TMEM178B: variants seen among roughly 807,000 people sequenced by gnomAD.
TMEM178B encodes the protein transmembrane protein 178B.
TMEM178B carries 5 observed loss-of-function variants against 31.0 expected under a neutral mutation model. That is an observed-to-expected ratio of 0.16 (90% CI 0.08 to 0.34). The LOEUF is 0.34. Ranked by LOEUF, TMEM178B falls within the 10% of genes least tolerant of loss-of-function variation. TMEM178B has a pLI of 1.00. For synonymous variants in TMEM178B, 164 were observed against 164.0 expected, an observed-to-expected ratio of 1.00 and a Z score of 0.00; for missense variants, 275 against 400.3, an observed-to-expected ratio of 0.69 and a Z score of 2.67.
At chr7:141,485,188 G>A (rs531658771), downstream of TMEM178B, among the ~76,000 whole-genome samples, 72 of 152,288 alleles carry the variant, frequency 4.7e-4, no homozygotes, top group African/African-American at 1.3e-3. Flanking sequence ...GAGAAAGCCC[G>A]GACCATGTGA....
intron 2 of TMEM178B, among the ~76,000 whole-genome samples, chr7:141,423,109 G>T (rs879608962): frequency 6.6e-6 from 1 of 152,032 alleles, no homozygotes; most frequent in African/African-American, 2.4e-5. Flanking sequence ...GCGTGATCTC[G>T]GCTCACTGTA....
intron 1 of TMEM178B, among the ~76,000 whole-genome samples, chr7:141,137,071 G>A (rs1291293796): frequency 6.6e-6 from 1 of 152,128 alleles, no homozygotes; most frequent in Admixed American, 6.6e-5. Context: ...ATGCTGGGTT[G>A]GGGGGATGTG....
At chr7:141,191,987 G>T (rs1796704167) in intron 1 of TMEM178B, among the ~76,000 whole-genome samples, 1 of 152,076 alleles carries the variant, frequency 6.6e-6, no homozygotes, top group South Asian at 2.1e-4. Flanking sequence ...GATCCATTGG[G>T]AATTTACCCT....
intron 2 of TMEM178B, among the ~76,000 whole-genome samples, chr7:141,386,009 G>A (rs754470162): frequency 2.6e-5 from 4 of 152,148 alleles, no homozygotes; most frequent in African/African-American, 7.2e-5. Context: ...TCTGTGAAGC[G>A]CTGGACTTGC....
At chr7:141,458,083 G>T (rs775902454) in intron 3 of TMEM178B, among the ~76,000 whole-genome samples, 5 of 152,126 alleles carry the variant, frequency 3.3e-5, no homozygotes, top group Non-Finnish European at 7.4e-5. Context: ...TAGATGGATG[G>T]TGACCTTTTC....
chr7:141,084,200 G>A (rs192988420), intron 1 of TMEM178B, among the ~76,000 whole-genome samples: 6 of 152,318 alleles, frequency 3.9e-5, no homozygotes, highest in South Asian at 4.1e-4. Flanking sequence ...TCCTGCCCTC[G>A]TAGGGCTTAC....
In TMEM178B at chr7:141,471,777, T is replaced by C. The variant is rs1802247243; in HGVS notation, c.*991T>C. ...CTACAGATCCCTGGAGTGGTGTGTG[T>C]GTGCGTGTGTGTGTGTGTGTGTGTG... is the stretch of plus-strand genomic sequence containing the variant. On this transcript the variant is annotated 3_prime_UTR_variant, in exon 4 of 4. Transcript: ENST00000565468. The surrounding 1 kb of genome is among the most constrained non-coding windows in gnomAD (Gnocchi z 4.1). The C allele has an allele frequency of 1.2e-5, 1 of 80,174 alleles. No homozygotes were observed. Among genetic ancestry groups the C allele is most frequent in the East Asian group, 2.5e-4 (1 of 3,934 alleles). 5.0% of individuals were successfully genotyped at this position (80,174 alleles called of 1,614,324 possible). A position where few individuals can be genotyped will look rare whatever the true frequency, so the allele number is the denominator to read the frequency against.
At chr7:141,444,589 G>A (rs1257118423) in intron 3 of TMEM178B, among the ~76,000 whole-genome samples, 2 of 152,162 alleles carry the variant, frequency 1.3e-5, no homozygotes, top group Non-Finnish European at 2.9e-5. Context: ...AATTCATGAA[G>A]AGCTTTCTGT....
intron 3 of TMEM178B, among the ~76,000 whole-genome samples, chr7:141,457,330 T>A (rs1039907903): frequency 6.6e-6 from 1 of 152,228 alleles, no homozygotes; most frequent in East Asian, 1.9e-4. Context: ...ATTTATTTGC[T>A]GTATATATCC....
At chr7:141,219,780 A>G (rs113405538) in intron 2 of TMEM178B, among the ~76,000 whole-genome samples, 2,920 of 152,292 alleles carry the variant, frequency 0.019, 102 homozygotes, top group African/African-American at 0.066. Context: ...TTCTTGCAGA[A>G]GTAACTCATG....
At chr7:141,374,126 A>T (rs1478501238) in intron 2 of TMEM178B, among the ~76,000 whole-genome samples, 1 of 152,122 alleles carries the variant, frequency 6.6e-6, no homozygotes, top group African/African-American at 2.4e-5. Flanking sequence ...CGTGTTTCTG[A>T]TGTGAAGTCC....
intron 2 of TMEM178B, among the ~76,000 whole-genome samples, chr7:141,281,748 C>T (rs892966057): frequency 2.6e-5 from 4 of 152,262 alleles, no homozygotes; most frequent in Admixed American, 1.3e-4. Context: ...GAGATACTTT[C>T]AGCAGAGGGA....
intron 2 of TMEM178B, among the ~76,000 whole-genome samples, chr7:141,294,814 A>C (rs1243649344): frequency 6.6e-6 from 1 of 152,212 alleles, no homozygotes; most frequent in East Asian, 1.9e-4. Flanking sequence ...TATAGAATAT[A>C]ATAGAGAATC....
At chr7:141,115,396 T>C (rs1795302936) in intron 1 of TMEM178B, among the ~76,000 whole-genome samples, 1 of 152,004 alleles carries the variant, frequency 6.6e-6, no homozygotes, top group Admixed American at 6.6e-5. Flanking sequence ...TCCAGTGTTA[T>C]GTAACAGTAG....
chr7:141,244,041 G>A (rs1395106184), intron 2 of TMEM178B, among the ~76,000 whole-genome samples: 1 of 152,180 alleles, frequency 6.6e-6, no homozygotes. Context: ...GTTTTGTGCA[G>A]TTCAGTCTTA....
chr7:141,392,034 G>T (rs550795660), intron 2 of TMEM178B, among the ~76,000 whole-genome samples: 10 of 151,534 alleles, frequency 6.6e-5, no homozygotes, highest in African/African-American at 2.4e-4. Flanking sequence ...ACTTTTGGGG[G>T]AATATACAGA....
chr7:141,449,919 G>A (rs1251968951), intron 3 of TMEM178B, among the ~76,000 whole-genome samples: 4 of 152,204 alleles, frequency 2.6e-5, no homozygotes, highest in Non-Finnish European at 4.4e-5. Context: ...GCATTACACT[G>A]GAGAGGATCT....
At chr7:141,434,670 A>G (rs1027399220) in intron 2 of TMEM178B, among the ~76,000 whole-genome samples, 2 of 152,230 alleles carry the variant, frequency 1.3e-5, no homozygotes, top group African/African-American at 4.8e-5. Context: ...GAAGTACACA[A>G]TACATTTTTG....
chr7:141,084,257 G>C (rs1371184269), intron 1 of TMEM178B, among the ~76,000 whole-genome samples: 1 of 152,192 alleles, frequency 6.6e-6, no homozygotes, highest in East Asian at 1.9e-4. Context: ...TTTCTGAACA[G>C]AGCTTTTAAG....
Sources: allele counts gnomAD v4.1 joint callset (sites outside exome capture counted in the v4.1 genomes callset), GRCh38; gene constraint gnomAD v4.1.1; non-coding constraint Gnocchi (gnomAD v3.1); transcripts MANE v1.5; gene names NCBI Gene and HGNC (gene_info 2026-07-23, HGNC 2026-07-21).